The following SCAF4 variants were observed in gnomAD, a reference collection of about 807,000 sequenced individuals.
SCAF4 encodes SR-related CTD associated factor 4, also known as SR-related and CTD-associated factor 4.
In SCAF4, 25 loss-of-function variants were observed where a neutral mutation model predicts 129.8. The ratio of observed to expected loss-of-function variants is 0.19; its 90% CI spans 0.14 to 0.27. SCAF4 has a LOEUF of 0.27. Ranked by LOEUF, SCAF4 falls within the 10% of genes least tolerant of loss-of-function variation. The pLI, the probability that SCAF4 is intolerant of heterozygous loss-of-function variation, is 1.00. For synonymous variants in SCAF4, 551 were observed against 497.7 expected (o/e 1.11, Z -1.43); for missense variants, 1,246 against 1,457.1 (o/e 0.86, Z 2.36).
intron 19 of SCAF4, 40 bp from the exon 20 acceptor site, chr21:31,672,394 G>C (rs750903957): frequency 7.0e-7 from 1 of 1,433,222 alleles, no homozygotes; most frequent in South Asian, 1.2e-5. Context: ...CACCACCGAA[G>C]ATGGCACTCC....
chr21:31,720,159 T>C (rs1426640692), intron 1 of SCAF4, among the ~76,000 whole-genome samples: 5 of 152,188 alleles, frequency 3.3e-5, no homozygotes, highest in Non-Finnish European at 5.9e-5. Context: ...TAAAACATTT[T>C]TGTGAATTAA....
intron 14 of SCAF4, 109 bp downstream of exon 14, chr21:31,691,708 C>A: frequency 7.4e-6 from 3 of 407,026 alleles, no homozygotes. Context: ...CATGAAATGC[C>A]TCAGTGTTGA....
rs139172665 is a variant in SCAF4 at position 31,722,519 on chromosome 21, C to T, written c.30+9144G>A. Among the ~76,000 whole-genome samples the T allele has an allele frequency of 1.9e-3, 283 of 152,094 alleles. 1 individual carries two copies. The highest frequency in any genetic ancestry group is 3.4e-3 in the Middle Eastern group (1 of 294). The stretch of plus-strand genomic sequence containing the variant: ...CCTGTGAACAAAAATTATAGAGATG[C>T]CATCACTAAGCAACAAAGTACAAGG... On this transcript the variant is annotated intron_variant, in intron 1 of 19. Coordinates refer to ENST00000286835, the MANE Select transcript of SCAF4 (RefSeq NM_020706.2).
chr21:31,686,869 T>A (rs2050139099), intron 16 of SCAF4, among the ~76,000 whole-genome samples: 1 of 152,140 alleles, frequency 6.6e-6, no homozygotes. Context: ...GAAACCATCT[T>A]CCACTCCAGT....
intron 2 of SCAF4, among the ~76,000 whole-genome samples, chr21:31,705,996 G>A (rs2050651533): frequency 6.6e-6 from 1 of 152,188 alleles, no homozygotes; most frequent in Non-Finnish European, 1.5e-5. Context: ...CTTGAACCCG[G>A]GAGGGTGAGG....
At position 31,699,621 on chromosome 21, in the gene SCAF4, G is replaced by A. The variant is rs147345349; in HGVS notation, c.777+1374C>T. Among the ~76,000 whole-genome samples, 269 of 151,844 alleles carry A rather than the reference G, an allele frequency of 1.8e-3. 1 individual carries two copies. Among genetic ancestry groups the A allele is most frequent in the Admixed American group, 0.015 (235 of 15,254 alleles). On this transcript the variant is annotated intron_variant, in intron 7 of 19. Coordinates refer to ENST00000286835, the MANE Select transcript of SCAF4 (RefSeq NM_020706.2). Reference sequence around the variant, plus strand: ...ATATAATGAAAACTGGTATTTACTAGGTGGATTTTTAATTTAGACTATTGG... The same window carrying A: ...ATATAATGAAAACTGGTATTTACTAAGTGGATTTTTAATTTAGACTATTGG...
chr21:31,718,885 G>A (rs1167267708), intron 1 of SCAF4, among the ~76,000 whole-genome samples: 1 of 152,132 alleles, frequency 6.6e-6, no homozygotes, highest in Admixed American at 6.5e-5. Flanking sequence ...GGAATTTAAA[G>A]AAATGTTTTA....
chr21:31,723,651 T>G (rs886331722), intron 1 of SCAF4, among the ~76,000 whole-genome samples: 1 of 148,252 alleles, frequency 6.7e-6, no homozygotes, highest in Non-Finnish European at 1.5e-5. Context: ...CGCGCGCACA[T>G]ACAGTTCAAG....
At chr21:31,682,457 G>C (rs2050019466) in intron 19 of SCAF4, among the ~76,000 whole-genome samples, 1 of 151,884 alleles carries the variant, frequency 6.6e-6, no homozygotes, top group African/African-American at 2.4e-5. Flanking sequence ...TGTAATTTTA[G>C]AATTGCAAAA....
chr21:31,719,666 G>A (rs1038098824), intron 1 of SCAF4, among the ~76,000 whole-genome samples: 12 of 152,102 alleles, frequency 7.9e-5, no homozygotes, highest in African/African-American at 2.4e-4. Flanking sequence ...CACCATGCCC[G>A]GCTAATTTTG....
chr21:31,692,164 T>C, intron 13 of SCAF4, 185 bp downstream of exon 13: 1 of 594,278 alleles, frequency 1.7e-6, no homozygotes, highest in Non-Finnish European at 3.0e-6. Flanking sequence ...CCAAGAAATG[T>C]TAAATACAAA....
chr21:31,706,267 T>C lies in SCAF4; in HGVS notation c.114+7A>G. 1 of 1,534,944 alleles carries C rather than the reference T, an allele frequency of 6.5e-7. No homozygotes were observed. Among genetic ancestry groups the C allele is most frequent in the Non-Finnish European group, 8.9e-7 (1 of 1,120,568 alleles). Reference sequence around the variant, plus strand: ...AGATTTCTCAAATTGCTTTATTTTATCATTACCTTAATAGCTTTAATAGCA... The same window carrying C: ...AGATTTCTCAAATTGCTTTATTTTACCATTACCTTAATAGCTTTAATAGCA... On this transcript the variant is annotated splice_region_variant and intron_variant, in intron 2 of 19. Coordinates refer to ENST00000286835, the MANE Select transcript of SCAF4 (RefSeq NM_020706.2).
intron 1 of SCAF4, among the ~76,000 whole-genome samples, chr21:31,710,055 G>C (rs1454618326): frequency 6.6e-6 from 1 of 152,032 alleles, no homozygotes; most frequent in Non-Finnish European, 1.5e-5. Flanking sequence ...ATCCAGGAAG[G>C]CATCTGTGCC....
At chr21:31,726,780 A>G (rs993934697) in intron 1 of SCAF4, among the ~76,000 whole-genome samples, 2 of 152,266 alleles carry the variant, frequency 1.3e-5, no homozygotes, top group Non-Finnish European at 2.9e-5. Flanking sequence ...CCTGTCAGCA[A>G]AATATTAACT....
In SCAF4 at chr21:31,703,918, T is replaced by C. The variant is rs1447408311; in HGVS notation, c.168A>G (p.Pro56=). The C allele has an allele frequency of 1.2e-5, 18 of 1,560,524 alleles. No individual in the cohort carries two copies. The highest frequency in any genetic ancestry group is 5.3e-6 in the Non-Finnish European group (6 of 1,142,116). The change falls in exon 4 of 20, where the codon CCA becomes CCG. Residue 56 remains proline (P), a synonymous_variant. Coordinates refer to ENST00000286835, the MANE Select transcript of SCAF4 (RefSeq NM_020706.2). ...IVEKFIKKCK[P]EYKVPGLYVI... ...CATATAATCCCGGAACCTTGTATTC[T>C]GGTTTACACTGCAAGGATAAAGATG...
intron 1 of SCAF4, among the ~76,000 whole-genome samples, chr21:31,718,109 A>C (rs747410961): frequency 4.0e-5 from 6 of 151,852 alleles, no homozygotes; most frequent in Admixed American, 2.0e-4. Flanking sequence ...ACACCTGGCT[A>C]ATTTTTTTGT....
At position 31,693,491 on chromosome 21, in the gene SCAF4, T is replaced by C. The variant is rs760010829; in HGVS notation, c.1323-7A>G. ...TCGCCTCCTTTTTGGTGACCTAATG[T>C]TTTCAAGAGAAGGGAGAATGCATAG... On this transcript the variant is annotated splice_region_variant and splice_polypyrimidine_tract_variant and intron_variant, in intron 11 of 19. Coordinates refer to ENST00000286835, the MANE Select transcript of SCAF4 (RefSeq NM_020706.2). 6.8e-7 allele frequency: 1 copy of C among 1,466,030 alleles called. No homozygotes were observed. The highest frequency in any genetic ancestry group is 2.0e-5 in the Admixed American group (1 of 49,970). 90.8% of individuals were successfully genotyped at this position (1,466,030 alleles called of 1,614,324 possible).
intron 19 of SCAF4, among the ~76,000 whole-genome samples, chr21:31,675,960 A>G (rs1286896968): frequency 1.3e-5 from 2 of 152,292 alleles, no homozygotes; most frequent in South Asian, 2.1e-4. Flanking sequence ...GAGAATGTGC[A>G]TAAGGGATAC....
chr21:31,703,637 G>T, intron 4 of SCAF4, 128 bp downstream of exon 4: 1 of 513,926 alleles, frequency 1.9e-6, no homozygotes, highest in Non-Finnish European at 3.4e-6. Context: ...AAACTGTTTT[G>T]TTTCAAGCTC....
Sources: gnomAD v4.1 joint callset for allele counts (sites outside exome capture counted in the v4.1 genomes callset) on GRCh38, gnomAD v4.1.1 for gene constraint, MANE v1.5 for transcripts, NCBI Gene and HGNC (gene_info 2026-07-23, HGNC 2026-07-21) for gene names.